ENO1: variants seen among roughly 807,000 people sequenced by gnomAD.
ENO1 encodes the protein alpha-enolase.
A neutral mutation model predicts 46.3 loss-of-function variants in ENO1; 33 were observed. That is an observed-to-expected ratio of 0.71 (90% CI 0.54 to 0.95). The LOEUF (loss-of-function observed/expected upper bound fraction) is 0.95. ENO1 is among the 40% of genes least tolerant of loss of function. ENO1 has a pLI of 0.00. For missense variants in ENO1, 488 were observed against 553.3 expected (o/e 0.88, Z 1.18); for synonymous variants, 220 against 216.0 (o/e 1.02, Z -0.16).
At position 8,867,166 on chromosome 1, in the gene ENO1, C is replaced by A; in HGVS notation, c.395G>T (p.Arg132Leu). 6.2e-7 allele frequency: 1 copy of A among 1,614,162 alleles called. No individual in the cohort carries two copies. Among genetic ancestry groups the A allele is most frequent in the Non-Finnish European group, 8.5e-7 (1 of 1,180,008 alleles). The change falls in exon 6 of 12, where the codon CGC (arginine) becomes CTC (leucine). Residue 132 changes from arginine to leucine, a missense_variant. By Grantham distance (102) the Arg-to-Leu change is moderately radical. Coordinates refer to ENST00000234590, the MANE Select transcript of ENO1 (RefSeq NM_001428.5). ...GAVEKGVPLY[R>L]HIADLAGNSE... Reference sequence around the variant, plus strand: ...GTTGCCAGCCAAGTCAGCGATGTGGCGGTACAGGGGGACCCCCTTCTCAAC... The same window carrying A: ...GTTGCCAGCCAAGTCAGCGATGTGGAGGTACAGGGGGACCCCCTTCTCAAC...
chr1:8,870,760 G>A (rs757582039), intron 3 of ENO1: 13 of 1,419,430 alleles, frequency 9.2e-6, no homozygotes, highest in East Asian at 2.5e-5. Context: ...TCTGACTGGA[G>A]GTTAGTTTGC....
intron 11 of ENO1, among the ~76,000 whole-genome samples, chr1:8,862,479 C>A (rs1310277559): frequency 1.3e-5 from 2 of 152,178 alleles, no homozygotes; most frequent in African/African-American, 4.8e-5. Context: ...AAGTGGAAAC[C>A]CAGCCATGTG....
In ENO1 at chr1:8,872,074, G is replaced by A. The variant is rs1642645434; in HGVS notation, c.86-88C>T. The A allele has an allele frequency of 2.7e-6, 3 of 1,102,722 alleles. No individual in the cohort carries two copies. In the East Asian group the frequency reaches 7.1e-5, roughly 26 times the overall value. The allele number at this position is 1,102,722 out of a possible 1,614,324, so 68.3% of individuals were successfully genotyped here. On this transcript the variant is annotated intron_variant, in intron 2 of 11. Transcript: ENST00000234590. Reference sequence around the variant, plus strand: ...TCCCCTCCCGCCCACAGATGCATTTGTCATTAGGGAGCTGTTTCTTCCTCC... The same window carrying A: ...TCCCCTCCCGCCCACAGATGCATTTATCATTAGGGAGCTGTTTCTTCCTCC...
Position 8,878,658 on chromosome 1 carries a change from T to C in ENO1, c.-88A>G. 1 of 455,930 alleles carries C rather than the reference T, an allele frequency of 2.2e-6. No individual in the cohort carries two copies. The highest frequency in any genetic ancestry group is 4.4e-6 in the Non-Finnish European group (1 of 226,762). The allele number at this position is 455,930 out of a possible 1,614,324, so 28.2% of individuals were successfully genotyped here. On this transcript the variant is annotated 5_prime_UTR_variant, in exon 1 of 12. Coordinates refer to ENST00000234590, the MANE Select transcript of ENO1 (RefSeq NM_001428.5). The stretch of plus-strand genomic sequence containing the variant: ...CGAGGTGAACGTAAAGCCGGCGAGA[T>C]CTCCGTGCTCCGGGTACCCACAGAT...
intron 3 of ENO1, chr1:8,871,579 C>G (rs967224477): frequency 2.7e-6 from 3 of 1,113,290 alleles, no homozygotes; most frequent in Admixed American, 9.2e-5. Flanking sequence ...CTTTAGTTAA[C>G]AGGCCCTGTT....
chr1:8,870,664 G>A (rs1454584546), intron 3 of ENO1, 154 bp from the exon 4 acceptor site: 34 of 1,487,202 alleles, frequency 2.3e-5, no homozygotes, highest in South Asian at 5.2e-5. Context: ...CCCCAGAATC[G>A]GAGGACTTTC....
chr1:8,863,119 A>G (rs1642439027), intron 10 of ENO1, 116 bp downstream of exon 10: 3 of 1,378,434 alleles, frequency 2.2e-6, no homozygotes, highest in African/African-American at 2.9e-5. Context: ...CCTCAGAAAC[A>G]AGAGCACTGA....
intron 1 of ENO1, among the ~76,000 whole-genome samples, chr1:8,877,304 C>T (rs935630701): frequency 3.3e-5 from 5 of 150,820 alleles, no homozygotes; most frequent in Non-Finnish European, 5.9e-5. Flanking sequence ...TCAGGCTGGT[C>T]TCTAACTCCC....
chr1:8,864,430 C>T (rs764329877), intron 8 of ENO1, among the ~76,000 whole-genome samples: 3 of 152,192 alleles, frequency 2.0e-5, no homozygotes, highest in East Asian at 1.9e-4. Context: ...CTTCCTGAGT[C>T]GCTGGGACTA....
intron 10 of ENO1, 136 bp downstream of exon 10, chr1:8,863,099 T>G: frequency 7.4e-7 from 1 of 1,343,222 alleles, no homozygotes; most frequent in South Asian, 1.3e-5. Flanking sequence ...CATGCCCCCA[T>G]TCTGTTCAGC....
intron 9 of ENO1, 40 bp downstream of exon 9, chr1:8,863,851 C>A: frequency 6.2e-7 from 1 of 1,608,818 alleles, no homozygotes. Context: ...ATTCACAAGC[C>A]GTAGCTGCGG....
At chr1:8,877,176 T>C (rs1334438455) in intron 1 of ENO1, among the ~76,000 whole-genome samples, 6 of 151,974 alleles carry the variant, frequency 3.9e-5, no homozygotes, top group Non-Finnish European at 8.8e-5. Flanking sequence ...ATGGTCTCGA[T>C]CTCCTGACCT....
At chr1:8,878,297 T>C (rs1642779708) in intron 1 of ENO1, 1 of 276,232 alleles carries the variant, frequency 3.6e-6, no homozygotes, top group East Asian at 1.2e-4. Flanking sequence ...CGACCTTCCC[T>C]GACAGTGACT....
chr1:8,866,089 A>AAG (rs1410185854), intron 7 of ENO1, 190 bp downstream of exon 7: 1 of 550,948 alleles, frequency 1.8e-6, no homozygotes, highest in African/African-American at 1.9e-5. Context: ...AAAAAAAAAA[A>AAG]AAAAGAAAAA....
At chr1:8,864,777 G>C (rs1011242970) in intron 8 of ENO1, among the ~76,000 whole-genome samples, 7 of 152,196 alleles carry the variant, frequency 4.6e-5, no homozygotes, top group African/African-American at 1.7e-4. Flanking sequence ...TAAACACACA[G>C]ACTCTGGAGT....
intron 6 of ENO1, 122 bp downstream of exon 6, chr1:8,866,995 G>A: frequency 7.0e-7 from 1 of 1,426,650 alleles, no homozygotes; most frequent in Middle Eastern, 2.4e-4. Flanking sequence ...ACTTAACAAG[G>A]GGCAGAGCTG....
At chr1:8,863,688 T>C (rs764207084) in intron 9 of ENO1, among the ~76,000 whole-genome samples, 3 of 152,208 alleles carry the variant, frequency 2.0e-5, no homozygotes, top group African/African-American at 4.8e-5. Context: ...GTGATCCTCC[T>C]GCCTTGGCCT....
At chr1:8,867,938 A>G (rs1221180861) in intron 5 of ENO1, 50 bp downstream of exon 5, 3 of 1,534,210 alleles carry the variant, frequency 2.0e-6, no homozygotes, top group African/African-American at 2.7e-5. Flanking sequence ...TAAAATCTTC[A>G]GGAGACTTCA....
intron 1 of ENO1, among the ~76,000 whole-genome samples, chr1:8,875,267 T>TC (rs1176980025): frequency 3.3e-5 from 5 of 151,660 alleles, no homozygotes; most frequent in African/African-American, 7.3e-5. Context: ...CATAAATGGG[T>TC]TAAACCCTAG....
Sources: allele counts gnomAD v4.1 joint callset (sites outside exome capture counted in the v4.1 genomes callset), GRCh38; gene constraint gnomAD v4.1.1; transcripts MANE v1.5; gene names NCBI Gene and HGNC (gene_info 2026-07-23, HGNC 2026-07-21).